The following FRMD4A variants were observed in gnomAD, a reference collection of about 807,000 sequenced individuals.
FRMD4A encodes FERM domain containing 4A.
A neutral mutation model predicts 129.1 loss-of-function variants in FRMD4A; 29 were observed. The ratio of observed to expected loss-of-function variants is 0.22; its 90% CI spans 0.17 to 0.31. The LOEUF is 0.31. Ranked by LOEUF, FRMD4A falls within the 10% of genes least tolerant of loss-of-function variation. FRMD4A has a pLI of 1.00. For missense variants in FRMD4A, 1,272 were observed against 1,375.8 expected, an observed-to-expected ratio of 0.92 and a Z score of 1.19; for synonymous variants, 634 against 571.6, an observed-to-expected ratio of 1.11 and a Z score of -1.56.
At chr10:13,935,747 C>T (rs755299866) in intron 2 of FRMD4A, among the ~76,000 whole-genome samples, 9 of 152,174 alleles carry the variant, frequency 5.9e-5, no homozygotes, top group Non-Finnish European at 1.0e-4. Flanking sequence ...GTTGGACTCT[C>T]CTATCAGCCC....
intron 2 of FRMD4A, among the ~76,000 whole-genome samples, chr10:14,133,121 A>G (rs1254311906): frequency 1.3e-5 from 2 of 152,210 alleles, no homozygotes; most frequent in African/African-American, 4.8e-5. Context: ...TGCATTTTTG[A>G]TAAAAATGAT....
intron 2 of FRMD4A, among the ~76,000 whole-genome samples, chr10:13,869,179 A>G (rs2094410789): frequency 6.6e-6 from 1 of 152,236 alleles, no homozygotes; most frequent in Non-Finnish European, 1.5e-5. Flanking sequence ...CAGGCCGAGC[A>G]ATGAACCATC....
intron 2 of FRMD4A, among the ~76,000 whole-genome samples, chr10:14,214,888 C>T (rs766406784): frequency 5.9e-5 from 9 of 152,194 alleles, no homozygotes; most frequent in African/African-American, 2.2e-4. Context: ...TCCATACTAA[C>T]GTACACTTTA....
chr10:13,893,737 A>G (rs1421392324), intron 2 of FRMD4A, among the ~76,000 whole-genome samples: 1 of 151,512 alleles, frequency 6.6e-6, no homozygotes, highest in Non-Finnish European at 1.5e-5. Flanking sequence ...CTGGTCTTGA[A>G]CTCCTGACCT....
chr10:14,278,513 A>C (rs1455236553), intron 2 of FRMD4A, among the ~76,000 whole-genome samples: 1 of 152,194 alleles, frequency 6.6e-6, no homozygotes, highest in Non-Finnish European at 1.5e-5. Context: ...TCTTCCTTTC[A>C]GCGACTCCTC....
At chr10:14,316,727 C>G (rs550292965) in intron 2 of FRMD4A, among the ~76,000 whole-genome samples, 1 of 152,176 alleles carries the variant, frequency 6.6e-6, no homozygotes, top group African/African-American at 2.4e-5. Flanking sequence ...AATCTGGTGA[C>G]CACATGAGGA....
chr10:13,840,980 T>G (rs1212874124), intron 3 of FRMD4A, among the ~76,000 whole-genome samples: 1 of 151,954 alleles, frequency 6.6e-6, no homozygotes, highest in East Asian at 1.9e-4. Context: ...TGGTGGTGCA[T>G]GTCTGCCGTC....
chr10:13,985,991 C>T (rs1247583608), intron 2 of FRMD4A, among the ~76,000 whole-genome samples: 1 of 152,198 alleles, frequency 6.6e-6, no homozygotes, highest in African/African-American at 2.4e-5. Flanking sequence ...ACACTGCAGC[C>T]ACCCGTGGCT....
intron 12 of FRMD4A, chr10:13,708,076 C>T (rs772596940): frequency 3.0e-4 from 50 of 168,906 alleles, no homozygotes; most frequent in Non-Finnish European, 4.8e-4. Context: ...TCACCTTCCA[C>T]ATACTGGGAA....
At chr10:14,146,615 C>A (rs963177350) in intron 2 of FRMD4A, among the ~76,000 whole-genome samples, 2 of 152,040 alleles carry the variant, frequency 1.3e-5, no homozygotes, top group African/African-American at 4.8e-5. Flanking sequence ...ATTTGCCCTC[C>A]CAGAACTGCC....
chr10:13,730,114 C>A (rs1006028455), intron 12 of FRMD4A, among the ~76,000 whole-genome samples: 1 of 152,140 alleles, frequency 6.6e-6, no homozygotes, highest in Non-Finnish European at 1.5e-5. Flanking sequence ...ACCCCCTGGT[C>A]TCCCAATGCC....
chr10:13,704,326 C>T (rs1041672626), intron 13 of FRMD4A, among the ~76,000 whole-genome samples: 10 of 152,202 alleles, frequency 6.6e-5, no homozygotes, highest in Non-Finnish European at 1.0e-4. Context: ...GCCTCTCCCC[C>T]ATTCCTGCCT....
At chr10:14,219,457 C>T (rs569859188) in intron 2 of FRMD4A, among the ~76,000 whole-genome samples, 1 of 152,276 alleles carries the variant, frequency 6.6e-6, no homozygotes, top group South Asian at 2.1e-4. Flanking sequence ...CAGAAATTTG[C>T]AAAGTAATAT....
intron 3 of FRMD4A, among the ~76,000 whole-genome samples, chr10:13,836,821 G>A (rs543587503): frequency 1.4e-5 from 2 of 140,560 alleles, no homozygotes; most frequent in South Asian, 2.3e-4. Flanking sequence ...GCAGTGGCAC[G>A]ATCTGGGCTC....
At chr10:13,778,563 C>T (rs1384540014) in intron 6 of FRMD4A, among the ~76,000 whole-genome samples, 1 of 151,402 alleles carries the variant, frequency 6.6e-6, no homozygotes, top group Non-Finnish European at 1.5e-5. Flanking sequence ...GAGGTAGTTA[C>T]AGAAGGAAAG....
intron 3 of FRMD4A, among the ~76,000 whole-genome samples, chr10:13,842,028 G>A (rs754978133): frequency 6.6e-6 from 1 of 152,140 alleles, no homozygotes; most frequent in Non-Finnish European, 1.5e-5. Context: ...CACTCAGCAC[G>A]TAACACTGCA....
chr10:14,316,508 CAAA>C (rs760301974), intron 2 of FRMD4A, among the ~76,000 whole-genome samples: 23 of 109,900 alleles, frequency 2.1e-4, no homozygotes, highest in African/African-American at 7.1e-4. Context: ...GTGATAGCAG[CAAA>C]AAAAAAAAAA....
At chr10:13,719,720 C>T (rs931625563) in intron 12 of FRMD4A, among the ~76,000 whole-genome samples, 1 of 152,126 alleles carries the variant, frequency 6.6e-6, no homozygotes, top group Non-Finnish European at 1.5e-5. Flanking sequence ...GCTGTTAAAA[C>T]TGGCCAAGAC....
At chr10:13,959,471 T>TAAAAAAAAAAA (rs56192445) in intron 2 of FRMD4A, among the ~76,000 whole-genome samples, 40 of 53,122 alleles carry the variant, frequency 7.5e-4, no homozygotes, top group African/African-American at 2.9e-3. Context: ...GACTGTTTCA[T>TAAAAAAAAAAA]AAAAAAAAAA....
Sources: gnomAD v4.1 joint callset for allele counts (sites outside exome capture counted in the v4.1 genomes callset) on GRCh38, gnomAD v4.1.1 for gene constraint, MANE v1.5 for transcripts, NCBI Gene and HGNC (gene_info 2026-07-23, HGNC 2026-07-21) for gene names.